Variants in HOMER2 observed in about 807,000 individuals in gnomAD.
HOMER2 encodes homer protein homolog 2.
In HOMER2, 27 loss-of-function variants were observed where a neutral mutation model predicts 47.0. That is an observed-to-expected ratio of 0.57 (90% CI 0.42 to 0.79). The LOEUF is 0.79. Among genes scored for constraint, HOMER2 ranks in the 30% least tolerant of loss-of-function variants. The pLI is 0.00. For missense variants in HOMER2, 443 were observed against 435.0 expected, an observed-to-expected ratio of 1.02 and a Z score of -0.16; for synonymous variants, 161 against 163.8, an observed-to-expected ratio of 0.98 and a Z score of 0.13.
At chr15:82,973,074 C>T (rs1238624673) in intron 1 of HOMER2, among the ~76,000 whole-genome samples, 2 of 152,208 alleles carry the variant, frequency 1.3e-5, no homozygotes, top group African/African-American at 4.8e-5. Flanking sequence ...GAACTATAAA[C>T]TGTGTCCAGG....
In HOMER2 at chr15:82,868,523, T is replaced by TTATATATATATATATATATATATATA. The variant is rs1244361918; in HGVS notation, c.295-4265_295-4264insTATATATATATATATATATATATATA. Among the ~76,000 whole-genome samples, 31 of 36,620 alleles carry TTATATATATATATATATATATATATA rather than the reference T, an allele frequency of 8.5e-4. 3 individuals are homozygous for TTATATATATATATATATATATATATA. Among genetic ancestry groups the TTATATATATATATATATATATATATA allele is most frequent in the Admixed American group, 2.0e-3 (4 of 1,984 alleles). The allele number at this position is 36,620 out of a possible 152,430, so 24.0% of individuals were successfully genotyped here. The stretch of plus-strand genomic sequence containing the variant: ...AAGTTATATATATCACTTATTTATT[T>TTATATATATATATATATATATATATA]TATATATATATATATATATTTTTTT... On this transcript the variant is annotated intron_variant, in intron 3 of 8. Coordinates refer to ENST00000450735, the MANE Select transcript of HOMER2 (RefSeq NM_004839.4).
intron 1 of HOMER2, among the ~76,000 whole-genome samples, chr15:82,971,020 A>G (rs887850376): frequency 6.6e-6 from 1 of 152,242 alleles, no homozygotes; most frequent in Admixed American, 6.5e-5. Flanking sequence ...ATACCCAGAC[A>G]TAAGGAAGGG....
chr15:82,919,417 G>T (rs990022831), intron 1 of HOMER2, among the ~76,000 whole-genome samples: 8 of 152,184 alleles, frequency 5.3e-5, no homozygotes, highest in African/African-American at 1.7e-4. Flanking sequence ...AGAGTCATTA[G>T]GTAAGCCATC....
chr15:82,851,027 T>C, intron 8 of HOMER2, 124 bp downstream of exon 8: 1 of 717,408 alleles, frequency 1.4e-6, no homozygotes, highest in Non-Finnish European at 2.4e-6. Flanking sequence ...GCCAGCTTTT[T>C]GTGAATAGAA....
At chr15:82,954,435 C>A (rs2054565242), upstream of HOMER2, among the ~76,000 whole-genome samples, 1 of 150,668 alleles carries the variant, frequency 6.6e-6, no homozygotes, top group African/African-American at 2.4e-5. Flanking sequence ...GTAGCTGCGA[C>A]TGCAGGCGCA....
chr15:82,884,610 A>C (rs1423005851), intron 2 of HOMER2, among the ~76,000 whole-genome samples: 1 of 54,154 alleles, frequency 1.8e-5, no homozygotes, highest in Non-Finnish European at 3.1e-5. Flanking sequence ...GAGGTCCTTC[A>C]CATCCCTTGT....
At chr15:82,951,732 C>T (rs941976639) in intron 1 of HOMER2, among the ~76,000 whole-genome samples, 4 of 152,254 alleles carry the variant, frequency 2.6e-5, no homozygotes, top group African/African-American at 9.6e-5. Flanking sequence ...CACCGAACCA[C>T]TTTGTGCCTC....
chr15:82,933,505 C>T (rs1443576418), intron 1 of HOMER2, among the ~76,000 whole-genome samples: 2 of 152,166 alleles, frequency 1.3e-5, no homozygotes, highest in African/African-American at 4.8e-5. Context: ...CCTCAGCCTC[C>T]CAAAGTGCTA....
At chr15:82,920,422 TTGAC>T (rs1284639087) in intron 1 of HOMER2, among the ~76,000 whole-genome samples, 2 of 152,204 alleles carry the variant, frequency 1.3e-5, no homozygotes, top group Non-Finnish European at 2.9e-5. Flanking sequence ...CCGCAGTCAG[TTGAC>T]TGGGCTGAAA....
intron 1 of HOMER2, among the ~76,000 whole-genome samples, chr15:82,936,945 A>T (rs2054155819): frequency 6.6e-6 from 1 of 152,150 alleles, no homozygotes; most frequent in African/African-American, 2.4e-5. Context: ...ATTATAATTA[A>T]ATGTTTTATG....
intron 4 of HOMER2, among the ~76,000 whole-genome samples, chr15:82,863,604 A>G (rs1316465544): frequency 2.0e-5 from 3 of 152,052 alleles, no homozygotes. Flanking sequence ...TTCCCCCACC[A>G]CCACATATAC....
intron 5 of HOMER2, among the ~76,000 whole-genome samples, chr15:82,855,969 T>C (rs1484788181): frequency 6.6e-6 from 1 of 151,964 alleles, no homozygotes; most frequent in African/African-American, 2.4e-5. Context: ...CATGGGGAGG[T>C]TTCCGCCTGG....
intron 3 of HOMER2, among the ~76,000 whole-genome samples, chr15:82,872,661 A>G (rs1488132366): frequency 2.6e-5 from 4 of 152,184 alleles, no homozygotes; most frequent in Non-Finnish European, 5.9e-5. Context: ...AACTCTCCAC[A>G]GCTTCCCTCA....
chr15:82,956,096 C>G (rs1054025516), upstream of HOMER2, among the ~76,000 whole-genome samples: 1 of 151,946 alleles, frequency 6.6e-6, no homozygotes, highest in African/African-American at 2.4e-5. Flanking sequence ...AAAACCTAGC[C>G]AGGCATGGTG....
At chr15:82,873,084 T>C (rs1226453549) in intron 3 of HOMER2, among the ~76,000 whole-genome samples, 1 of 152,184 alleles carries the variant, frequency 6.6e-6, no homozygotes, top group Non-Finnish European at 1.5e-5. Context: ...ACACTGGCCA[T>C]GGTGCCAGGG....
At chr15:82,876,752 A>G (rs779376304) in intron 2 of HOMER2, among the ~76,000 whole-genome samples, 17 of 152,234 alleles carry the variant, frequency 1.1e-4, no homozygotes, top group Non-Finnish European at 2.5e-4. Flanking sequence ...GTAACTGATA[A>G]AACAGAGAAG....
At chr15:82,892,571 A>G (rs2052746270) in intron 2 of HOMER2, 114 bp downstream of exon 2, 1 of 775,460 alleles carries the variant, frequency 1.3e-6, no homozygotes, top group Non-Finnish European at 1.9e-6. Context: ...AGAACAGAAT[A>G]TGTTATACAG....
At chr15:82,910,338 T>C (rs1449191098) in intron 1 of HOMER2, among the ~76,000 whole-genome samples, 2 of 151,966 alleles carry the variant, frequency 1.3e-5, no homozygotes, top group African/African-American at 4.8e-5. Context: ...GAAGTTTTAT[T>C]AGAAAGAAGG....
chr15:82,915,581 C>T (rs1567051922), intron 1 of HOMER2, among the ~76,000 whole-genome samples: 1 of 151,862 alleles, frequency 6.6e-6, no homozygotes, highest in Non-Finnish European at 1.5e-5. Flanking sequence ...GGCATGGTGG[C>T]ACGTGCCTGT....
Sources: gnomAD v4.1 joint callset for allele counts (sites outside exome capture counted in the v4.1 genomes callset) on GRCh38, gnomAD v4.1.1 for gene constraint, MANE v1.5 for transcripts, NCBI Gene and HGNC (gene_info 2026-07-23, HGNC 2026-07-21) for gene names.